The following CHSY1 variants were observed in gnomAD, a reference collection of about 807,000 sequenced individuals.
CHSY1 encodes N-acetylgalactosaminyl-proteoglycan 3-beta-glucuronosyltransferase 1.
Under a neutral mutation model 59.8 loss-of-function variants are expected in CHSY1, and 13 were observed. The observed-to-expected ratio is 0.22, with a 90% CI of 0.14 to 0.35. CHSY1 has a LOEUF of 0.35. Among genes scored for constraint, CHSY1 ranks in the 10% least tolerant of loss-of-function variants. CHSY1 has a pLI of 1.00. For missense variants in CHSY1, 947 were observed against 1,030.6 expected, an observed-to-expected ratio of 0.92 and a Z score of 1.11; for synonymous variants, 459 against 401.2, an observed-to-expected ratio of 1.14 and a Z score of -1.72.
At chr15:101,224,418 G>A (rs2038819420) in intron 2 of CHSY1, among the ~76,000 whole-genome samples, 2 of 152,320 alleles carry the variant, frequency 1.3e-5, no homozygotes, top group South Asian at 4.1e-4. Flanking sequence ...GGCTAAATGG[G>A]ATGATGTCAA....
At chr15:101,230,893 A>C (rs1273969935) in intron 2 of CHSY1, among the ~76,000 whole-genome samples, 2 of 152,206 alleles carry the variant, frequency 1.3e-5, no homozygotes, top group Non-Finnish European at 2.9e-5. Flanking sequence ...TTCATGTTTC[A>C]ATCTTTTGCA....
At position 101,177,622 on chromosome 15, in the gene CHSY1, G is replaced by A; in HGVS notation, c.2175C>T (p.Asn725=). The A allele has an allele frequency of 1.2e-6, 2 of 1,614,156 alleles. No homozygotes were observed. The highest frequency in any genetic ancestry group is 1.7e-6 in the Non-Finnish European group (2 of 1,180,026). The part of the protein sequence containing the change: ...GWGLEDVDLF[N]KVVQAGLKTF... Reference sequence around the variant, plus strand: ...TCTTCAAACCTGCCTGGACAACCTTGTTGAAAAGGTCCACATCCTCCAGCC... The same window carrying A: ...TCTTCAAACCTGCCTGGACAACCTTATTGAAAAGGTCCACATCCTCCAGCC... The change falls in exon 3 of 3, where the codon AAC becomes AAT. Residue 725 remains asparagine (N), a synonymous_variant. Transcript: ENST00000254190.
At chr15:101,218,569 C>T (rs1012305445) in intron 2 of CHSY1, among the ~76,000 whole-genome samples, 10 of 152,098 alleles carry the variant, frequency 6.6e-5, no homozygotes, top group South Asian at 2.1e-4. Flanking sequence ...GAGCTGAGAT[C>T]GCGCCACTGC....
At chr15:101,215,053 C>G (rs1455783687) in intron 2 of CHSY1, among the ~76,000 whole-genome samples, 1 of 152,226 alleles carries the variant, frequency 6.6e-6, no homozygotes, top group Admixed American at 6.5e-5. Flanking sequence ...ACCTCGCCCC[C>G]ACTTTGCCTT....
chr15:101,251,358 C>A lies in CHSY1; in HGVS notation c.99G>T (p.Glu33Asp). 1 of 1,157,962 alleles carries A rather than the reference C, an allele frequency of 8.6e-7. No homozygotes were observed. The highest frequency in any genetic ancestry group is 1.1e-6 in the Non-Finnish European group (1 of 922,444). The allele number at this position is 1,157,962 out of a possible 1,614,324, so 71.7% of individuals were successfully genotyped here. The change falls in exon 1 of 3, where the codon GAG becomes GAT. Residue 33 changes from glutamate (E) to aspartate (D), a missense_variant. Glu to Asp is a conservative substitution (Grantham distance 45). Around this residue, in one of 4 missense-constraint regions of CHSY1, gnomAD observed 232 missense variants for 188.5 expected, o/e 1.23. Transcript: ENST00000254190. Reference sequence around the variant, plus strand: ...GGCGCCGTGGGCCCGCTCGCTTCAGCTCGGAAGCCCGGGGCAGGACGAGCC... The same window carrying A: ...GGCGCCGTGGGCCCGCTCGCTTCAGATCGGAAGCCCGGGGCAGGACGAGCC... ...ASRLVLPRASELKRAGPRRRA... is the reference protein window; with the variant it reads ...ASRLVLPRASDLKRAGPRRRA...
At chr15:101,206,354 A>C (rs2038626697) in intron 2 of CHSY1, among the ~76,000 whole-genome samples, 1 of 152,174 alleles carries the variant, frequency 6.6e-6, no homozygotes, top group South Asian at 2.1e-4. Context: ...GATCCACTGA[A>C]GAGAACCACT....
Position 101,177,980 on chromosome 15 carries a change from C to T in CHSY1, c.1817G>A (p.Gly606Glu), listed in dbSNP as rs1383085929. 2 of 1,614,178 alleles carry T rather than the reference C, an allele frequency of 1.2e-6. No individual in the cohort carries two copies. The highest frequency in any genetic ancestry group is 2.2e-5 in the South Asian group (2 of 91,088). The change falls in exon 3 of 3, where the codon GGA becomes GAA. Residue 606 changes from glycine to glutamate, a missense_variant. Around this residue, in one of 4 missense-constraint regions of CHSY1, gnomAD observed 602 missense variants for 676.9 expected, o/e 0.89. Transcript: ENST00000254190. ...KADMQILPVS[G>E]EFSRALALEV... ...CAGGGCCAGGGCTCTTGAAAACTCT[C>T]CAGACACAGGCAAAATCTGCATGTC...
intron 2 of CHSY1, among the ~76,000 whole-genome samples, chr15:101,190,843 T>C (rs1204328021): frequency 1.1e-4 from 16 of 152,180 alleles, no homozygotes; most frequent in Admixed American, 1.0e-3. Flanking sequence ...AAAGTCATCA[T>C]ATGTCATCAG....
At chr15:101,179,284 A>C (rs1467387785) in intron 2 of CHSY1, among the ~76,000 whole-genome samples, 1 of 152,242 alleles carries the variant, frequency 6.6e-6, no homozygotes, top group Non-Finnish European at 1.5e-5. Context: ...CCACAGGAGC[A>C]TGCCTGAAAG....
intron 2 of CHSY1, among the ~76,000 whole-genome samples, chr15:101,181,723 G>A (rs2038281260): frequency 6.6e-6 from 1 of 152,212 alleles, no homozygotes; most frequent in African/African-American, 2.4e-5. Flanking sequence ...TGGCTGAACA[G>A]GAGTGGTGGA....
intron 1 of CHSY1, among the ~76,000 whole-genome samples, chr15:101,248,055 A>T (rs72768600): frequency 3.9e-5 from 6 of 152,052 alleles, no homozygotes; most frequent in Non-Finnish European, 4.4e-5. Context: ...TGTTTTTTTT[A>T]AAAAACAAAA....
chr15:101,187,990 T>C (rs2038392049), intron 2 of CHSY1: 1 of 982,720 alleles, frequency 1.0e-6, no homozygotes, highest in Non-Finnish European at 1.2e-6. Flanking sequence ...GGTTAACAAA[T>C]ACCTTCCACA....
intron 2 of CHSY1, among the ~76,000 whole-genome samples, chr15:101,226,518 AT>A (rs1051597929): frequency 2.0e-5 from 3 of 152,156 alleles, no homozygotes; most frequent in Admixed American, 6.5e-5. Flanking sequence ...GCCCAAACCA[AT>A]GTCCTCAGCA....
chr15:101,213,348 G>A (rs906543520), intron 2 of CHSY1, among the ~76,000 whole-genome samples: 11 of 152,064 alleles, frequency 7.2e-5, no homozygotes, highest in African/African-American at 2.7e-4. Context: ...TCAAAACTGC[G>A]TGAGGTAATC....
chr15:101,229,774 G>A (rs753787249), intron 2 of CHSY1, among the ~76,000 whole-genome samples: 3 of 151,918 alleles, frequency 2.0e-5, no homozygotes, highest in Non-Finnish European at 4.4e-5. Flanking sequence ...GGGCATGGTG[G>A]CATACTCCTG....
Position 101,175,983 on chromosome 15 carries a change from T to A in CHSY1, c.*1405A>T, listed in dbSNP as rs906593799. On this transcript the variant is annotated 3_prime_UTR_variant, in exon 3 of 3. Transcript: ENST00000254190. ...GATCTGAGAATTTAACTTTCTGGTA[T>A]AATGACAGATTCATTTCACTTTTGT... is the stretch of plus-strand genomic sequence containing the variant. 4.9e-5 allele frequency: 15 copies of A among 307,694 alleles called. No homozygotes were observed. Among genetic ancestry groups the A allele is most frequent in the Middle Eastern group, 8.5e-4 (1 of 1,176 alleles). 19.1% of individuals were successfully genotyped at this position (307,694 alleles called of 1,614,324 possible).
At position 101,251,527 on chromosome 15, in the gene CHSY1, C is replaced by G. The variant is rs1245645783; in HGVS notation, c.-71G>C. The G allele has an allele frequency of 3.9e-6, 1 of 257,656 alleles. No homozygotes were observed. Among genetic ancestry groups the G allele is most frequent in the East Asian group, 1.9e-4 (1 of 5,324 alleles). 16.0% of individuals were successfully genotyped at this position (257,656 alleles called of 1,614,324 possible). The stretch of plus-strand genomic sequence containing the variant: ...GCCCTCAGCCCGCTGCCCCCGCCCG[C>G]GGAGGCCAGCCCGCCCTAGCGCCGC... On this transcript the variant is annotated 5_prime_UTR_variant, in exon 1 of 3. Coordinates refer to ENST00000254190, the MANE Select transcript of CHSY1 (RefSeq NM_014918.5).
At chr15:101,236,794 C>T (rs563079073) in intron 1 of CHSY1, among the ~76,000 whole-genome samples, 233 of 152,196 alleles carry the variant, frequency 1.5e-3, no homozygotes, top group Middle Eastern at 3.4e-3. Context: ...CACTGCACTC[C>T]AGCCTGGGAG....
intron 1 of CHSY1, among the ~76,000 whole-genome samples, chr15:101,237,495 A>C (rs1246964645): frequency 1.3e-5 from 2 of 152,172 alleles, no homozygotes; most frequent in African/African-American, 2.4e-5. Flanking sequence ...CAACAGAGGG[A>C]AGATGAGTGG....
Sources: allele counts gnomAD v4.1 joint callset (sites outside exome capture counted in the v4.1 genomes callset), GRCh38; gene constraint gnomAD v4.1.1; regional missense constraint gnomAD v4.1.1; transcripts MANE v1.5; gene names NCBI Gene and HGNC (gene_info 2026-07-23, HGNC 2026-07-21).